Variants in CSE1L observed in about 807,000 individuals in gnomAD.
CSE1L encodes the protein chromosome segregation 1 like.
CSE1L carries 24 observed loss-of-function variants against 120.4 expected under a neutral mutation model. The ratio of observed to expected loss-of-function variants is 0.20; its 90% CI spans 0.14 to 0.28. The LOEUF (loss-of-function observed/expected upper bound fraction) is 0.28, where lower values mean the gene tolerates loss of function less well. Ranked by LOEUF, CSE1L falls within the 10% of genes least tolerant of loss-of-function variation. CSE1L has a pLI of 1.00. For synonymous variants in CSE1L, 402 were observed against 398.3 expected (o/e 1.01, Z -0.11); for missense variants, 830 against 1,145.2 (o/e 0.72, Z 3.97).
chr20:49,093,513 G>A (rs2092116506), intron 22 of CSE1L, among the ~76,000 whole-genome samples: 1 of 149,720 alleles, frequency 6.7e-6, no homozygotes, highest in Non-Finnish European at 1.5e-5. Flanking sequence ...GTTAAAACTA[G>A]TTGTTTCTGG....
intron 1 of CSE1L, among the ~76,000 whole-genome samples, chr20:49,056,097 A>C (rs967426693): frequency 2.0e-5 from 3 of 149,980 alleles, no homozygotes; most frequent in African/African-American, 7.3e-5. Context: ...GCATAAGTGG[A>C]GTTTTCTAAA....
At chr20:49,089,816 G>A in intron 19 of CSE1L, 70 bp downstream of exon 19, 1 of 1,427,520 alleles carries the variant, frequency 7.0e-7, no homozygotes, top group East Asian at 2.3e-5. Flanking sequence ...GCAGATGTTT[G>A]AAATTTTTTT....
chr20:49,071,549 T>A (rs1479647342), intron 8 of CSE1L, among the ~76,000 whole-genome samples: 1 of 152,142 alleles, frequency 6.6e-6, no homozygotes, highest in Non-Finnish European at 1.5e-5. Flanking sequence ...AGTGGCATGA[T>A]CATGACTTAC....
intron 1 of CSE1L, among the ~76,000 whole-genome samples, chr20:49,057,549 C>G (rs557566748): frequency 1.3e-4 from 19 of 151,016 alleles, no homozygotes; most frequent in Non-Finnish European, 1.9e-4. Context: ...TGCCCCCAGG[C>G]TCAAGACATC....
rs2091880388 is a variant in CSE1L, at chr20:49,065,075, C to CT, written c.229-1115dup. Among the ~76,000 whole-genome samples, 7 of 150,066 alleles carry CT rather than the reference C, an allele frequency of 4.7e-5. No homozygotes were observed. In the South Asian group the frequency reaches 1.5e-3, roughly 32 times the overall value. On this transcript the variant is annotated intron_variant, in intron 3 of 24. Transcript: ENST00000262982. ...GGGAGGCTGCAGTGGGAGGGATTGTCTTGAGTCTGGGAGGTGAAGGCTGCA... is the reference window on the plus strand; with the variant it reads ...GGGAGGCTGCAGTGGGAGGGATTGTCTTTGAGTCTGGGAGGTGAAGGCTGCA...
Position 49,066,486 on chromosome 20 carries a change from G to C in CSE1L, c.452G>C (p.Arg151Pro), listed in dbSNP as rs753618454. 1.2e-6 allele frequency: 2 copies of C among 1,612,744 alleles called. No individual in the cohort carries two copies. Among genetic ancestry groups the C allele is most frequent in the Non-Finnish European group, 8.5e-7 (1 of 1,179,510 alleles). The change falls in exon 5 of 25, where the codon CGT becomes CCT. Residue 151 changes from arginine (R) to proline (P), a missense_variant. Physicochemically the swap from Arg to Pro is moderately radical, Grantham distance 103 (BLOSUM62 -2). Transcript: ENST00000262982. ...GDFHVINGVL[R>P]TAHSLFKRYR... ...TTCCATGTTATTAATGGAGTCCTCC[G>C]TACAGCACATTCATTATTTAAAAGG...
chr20:49,074,754 G>A lies in CSE1L; in HGVS notation c.1067-31G>A, dbSNP rs370447813. On this transcript the variant is annotated intron_variant, in intron 10 of 24. Coordinates refer to ENST00000262982, the MANE Select transcript of CSE1L (RefSeq NM_001316.4). ...GTAAAGTACAGTGACGTCTTTTGGA[G>A]TGTTATCTGAAATATCATCTCTCCT... is the stretch of plus-strand genomic sequence containing the variant. The A allele has an allele frequency of 3.9e-4, 617 of 1,586,878 alleles. 2 individuals carry two copies. The highest frequency in any genetic ancestry group is 1.7e-4 in the Middle Eastern group (1 of 6,010).
At chr20:49,067,421 A>G in intron 6 of CSE1L, 141 bp downstream of exon 6, 1 of 539,030 alleles carries the variant, frequency 1.9e-6, no homozygotes, top group Non-Finnish European at 3.2e-6. Context: ...TCAAACCTAC[A>G]CAGAAATAGA....
intron 24 of CSE1L, chr20:49,095,196 A>AAATCCCTTCAATAG (rs1161194827): frequency 7.7e-6 from 5 of 645,516 alleles, no homozygotes; most frequent in Non-Finnish European, 1.4e-5. Context: ...AAAGGAGGAA[A>AAATCCCTTCAATAG]AATCCCTTCA....
At chr20:49,085,227 C>T in intron 15 of CSE1L, 56 bp from the exon 16 acceptor site, 1 of 1,319,358 alleles carries the variant, frequency 7.6e-7, no homozygotes, top group Middle Eastern at 1.8e-4. Context: ...CAAGGGTAAT[C>T]TGCAGTGACA....
At chr20:49,074,640 A>C (rs74540838) in intron 10 of CSE1L, 145 bp from the exon 11 acceptor site, 2 of 530,486 alleles carry the variant, frequency 3.8e-6, no homozygotes, top group Non-Finnish European at 6.6e-6. Flanking sequence ...CTAGATAATG[A>C]TTAAGAGTAT....
In CSE1L at chr20:49,067,147, A is replaced by G. The variant is rs201064271; in HGVS notation, c.477-43A>G. 41 of 1,321,698 alleles carry G rather than the reference A, an allele frequency of 3.1e-5. No homozygotes were observed. In the African/African-American group the frequency reaches 4.1e-4, roughly 13 times the overall value. The allele number at this position is 1,321,698 out of a possible 1,614,324, so 81.9% of individuals were successfully genotyped here. On this transcript the variant is annotated intron_variant, in intron 5 of 24. Coordinates refer to ENST00000262982, the MANE Select transcript of CSE1L (RefSeq NM_001316.4). ...CCTTGAAGACCTAAAGTGAGTAAAT[A>G]AAAAAAACTTGTAAATTTATCTGTT...
At chr20:49,074,550 G>A (rs2091956523) in intron 10 of CSE1L, among the ~76,000 whole-genome samples, 1 of 152,168 alleles carries the variant, frequency 6.6e-6, no homozygotes, top group Non-Finnish European at 1.5e-5. Flanking sequence ...TGGGGAAACT[G>A]TCACATTAGA....
In CSE1L at chr20:49,066,481, C is replaced by T. The variant is rs781455089; in HGVS notation, c.447C>T (p.Val149=). The part of the protein sequence containing the change: ...QSGDFHVING[V]LRTAHSLFKR... ...GAGATTTCCATGTTATTAATGGAGT[C>T]CTCCGTACAGCACATTCATTATTTA... Residue 149 remains valine (V), a synonymous_variant, in exon 5 of 25, where the codon GTC becomes GTT. Transcript: ENST00000262982. 1.2e-6 allele frequency: 2 copies of T among 1,613,808 alleles called. No homozygotes were observed. The highest frequency in any genetic ancestry group is 2.2e-5 in the East Asian group (1 of 44,878).
At chr20:49,082,680 G>A (rs190806268) in intron 14 of CSE1L, among the ~76,000 whole-genome samples, 84 of 151,976 alleles carry the variant, frequency 5.5e-4, no homozygotes, top group African/African-American at 1.6e-3. Context: ...CACCATGCCC[G>A]GCTAATTTTT....
At chr20:49,059,518 A>G (rs894372535) in intron 2 of CSE1L, among the ~76,000 whole-genome samples, 12 of 152,154 alleles carry the variant, frequency 7.9e-5, no homozygotes, top group Admixed American at 3.3e-4. Flanking sequence ...TCAGATTTCC[A>G]GTTTTGCTTG....
At chr20:49,072,500 TCTC>T in intron 9 of CSE1L, 47 bp downstream of exon 9, 1 of 1,607,786 alleles carries the variant, frequency 6.2e-7, no homozygotes, top group East Asian at 2.2e-5. Context: ...TCTCTCCCTA[TCTC>T]CTCCAAGAAA....
chr20:49,057,959 T>G, intron 1 of CSE1L, among the ~76,000 whole-genome samples: 1 of 151,870 alleles, frequency 6.6e-6, no homozygotes, highest in East Asian at 1.9e-4. Flanking sequence ...TTGGTAGAGA[T>G]GGGGTCTCAC....
intron 1 of CSE1L, among the ~76,000 whole-genome samples, chr20:49,055,246 G>A (rs1362578041): frequency 1.3e-5 from 2 of 152,170 alleles, no homozygotes; most frequent in Non-Finnish European, 2.9e-5. Flanking sequence ...TGCCAAGTGA[G>A]TTTGCCACAA....
Sources: allele counts gnomAD v4.1 joint callset (sites outside exome capture counted in the v4.1 genomes callset), GRCh38; gene constraint gnomAD v4.1.1; transcripts MANE v1.5; gene names NCBI Gene and HGNC (gene_info 2026-07-23, HGNC 2026-07-21).